The following SLCO1C1 variants were observed in gnomAD, a reference collection of about 807,000 sequenced individuals.
SLCO1C1 encodes OAT-RP-5.
SLCO1C1 carries 70 observed loss-of-function variants against 76.4 expected under a neutral mutation model. The observed-to-expected ratio is 0.92, with a 90% confidence interval of 0.76 to 1.12. SLCO1C1 has a LOEUF of 1.12. Ranked by LOEUF, SLCO1C1 falls within the 50% of genes most tolerant of loss-of-function variation. The probability of loss-of-function intolerance (pLI) is 0.00; values close to 1 mark genes in which losing one functional copy is unlikely to be tolerated. For missense variants in SLCO1C1, 912 were observed against 823.8 expected (o/e 1.11, Z -1.31); for synonymous variants, 306 against 286.1 (o/e 1.07, Z -0.70).
At chr12:20,726,234 C>T (rs924175289) in intron 9 of SLCO1C1, among the ~76,000 whole-genome samples, 4 of 149,480 alleles carry the variant, frequency 2.7e-5, no homozygotes, top group Admixed American at 6.7e-5. Context: ...TTCTTCTATT[C>T]AACCTCTCTT....
At chr12:20,739,433 C>G (rs952044762) in intron 11 of SLCO1C1, among the ~76,000 whole-genome samples, 3 of 149,570 alleles carry the variant, frequency 2.0e-5, no homozygotes, top group African/African-American at 7.4e-5. Context: ...TAGAAGGTCT[C>G]TATTAAAACC....
chr12:20,737,996 C>T (rs920610379), intron 11 of SLCO1C1, among the ~76,000 whole-genome samples: 4 of 152,000 alleles, frequency 2.6e-5, no homozygotes, highest in Non-Finnish European at 4.4e-5. Context: ...AGTGAGGACC[C>T]ACTTTCTGGT....
chr12:20,724,948 T>C (rs1343941927), intron 9 of SLCO1C1, among the ~76,000 whole-genome samples: 1 of 143,780 alleles, frequency 7.0e-6, no homozygotes, highest in Non-Finnish European at 1.5e-5. Flanking sequence ...TATTTATATG[T>C]ATATTTATAG....
chr12:20,701,382 G>C lies in SLCO1C1; in HGVS notation c.194G>C (p.Ser65Thr). 1.3e-6 allele frequency: 2 copies of C among 1,555,742 alleles called. No homozygotes were observed. The highest frequency in any genetic ancestry group is 1.8e-6 in the Non-Finnish European group (2 of 1,138,376). The stretch of plus-strand genomic sequence containing the variant: ...GCATTGGCAGAAGGCTATCTGAAGA[G>C]CACCATCACTCAGATAGAGAGAAGG... ...AKALAEGYLK[S>T]TITQIERRFD... The change falls in exon 3 of 15, where the codon AGC becomes ACC. Residue 65 changes from serine (S) to threonine (T), a missense_variant. Transcript: ENST00000266509.
At chr12:20,696,552 A>G (rs1021201863) in intron 1 of SLCO1C1, among the ~76,000 whole-genome samples, 5 of 152,094 alleles carry the variant, frequency 3.3e-5, no homozygotes, top group African/African-American at 1.2e-4. Context: ...AATGTTTTTG[A>G]ACCAAAGGAA....
At position 20,740,954 on chromosome 12, in the gene SLCO1C1, G is replaced by A. The variant is rs60960983; in HGVS notation, c.1733+586G>A. Among the ~76,000 whole-genome samples the A allele has an allele frequency of 2.4e-3, 368 of 151,400 alleles. 1 individual carries two copies. The highest frequency in any genetic ancestry group is 8.7e-3 in the African/African-American group (359 of 41,232). On this transcript the variant is annotated intron_variant, in intron 12 of 14. Transcript: ENST00000266509. ...TTCACACTGATATAAAGAAATACCCGAGATGGGGTAATTTATAAAGGAAAG... is the reference window on the plus strand; with the variant it reads ...TTCACACTGATATAAAGAAATACCCAAGATGGGGTAATTTATAAAGGAAAG...
At chr12:20,736,789 C>T (rs911032502) in intron 10 of SLCO1C1, among the ~76,000 whole-genome samples, 6 of 152,176 alleles carry the variant, frequency 3.9e-5, no homozygotes, top group Non-Finnish European at 7.4e-5. Context: ...TACTTTTCTA[C>T]CTTGTTAGCT....
At chr12:20,737,980 G>C (rs1948626557) in intron 11 of SLCO1C1, among the ~76,000 whole-genome samples, 1 of 152,082 alleles carries the variant, frequency 6.6e-6, no homozygotes, top group African/African-American at 2.4e-5. Flanking sequence ...AGCAGAACTG[G>C]TTCCTAGTGA....
intron 9 of SLCO1C1, among the ~76,000 whole-genome samples, chr12:20,724,433 A>C (rs1947844793): frequency 7.5e-6 from 1 of 132,900 alleles, no homozygotes; most frequent in Admixed American, 7.5e-5. Context: ...ATATATATAT[A>C]TATATATATA....
intron 10 of SLCO1C1, among the ~76,000 whole-genome samples, chr12:20,734,293 G>T (rs138079907): frequency 1.3e-5 from 2 of 152,074 alleles, no homozygotes; most frequent in Admixed American, 1.3e-4. Flanking sequence ...CATAAATTAC[G>T]GCTTCTGGGA....
intron 14 of SLCO1C1, 60 bp downstream of exon 14, chr12:20,750,852 C>G: frequency 6.2e-7 from 1 of 1,613,860 alleles, no homozygotes; most frequent in South Asian, 1.1e-5. Flanking sequence ...TTACACAATG[C>G]CACTGACACT....
At chr12:20,717,103 T>C (rs1251608207) in intron 6 of SLCO1C1, 29 bp from the exon 7 acceptor site, 1 of 1,234,980 alleles carries the variant, frequency 8.1e-7, no homozygotes, top group Non-Finnish European at 1.1e-6. Flanking sequence ...TGACAGCTTT[T>C]TTTTTTTCCT....
chr12:20,729,460 G>A (rs529322617), intron 9 of SLCO1C1, among the ~76,000 whole-genome samples: 5 of 152,170 alleles, frequency 3.3e-5, no homozygotes, highest in South Asian at 2.1e-4. Context: ...TGAGGGTTTG[G>A]TTGGAGGGTG....
chr12:20,711,402 T>G lies in SLCO1C1; in HGVS notation c.421T>G (p.Tyr141Asp), dbSNP rs768749828. The change falls in exon 5 of 15, where the codon TAT becomes GAT. Residue 141 changes from tyrosine to aspartate, a missense_variant. Coordinates refer to ENST00000266509, the MANE Select transcript of SLCO1C1 (RefSeq NM_017435.5). ...FFMEQYKYER[Y>D]SPSSNSTLSI... ...CTTATGCAGGTACAAATATGAGAGA[T>G]ATTCTCCTTCCTCCAATTCCACTCT... is the stretch of plus-strand genomic sequence containing the variant. 5 of 1,613,086 alleles carry G rather than the reference T, an allele frequency of 3.1e-6. No homozygotes were observed. In the Admixed American group the frequency reaches 5.0e-5, roughly 16 times the overall value.
Position 20,732,862 on chromosome 12 carries a change from A to G in SLCO1C1, c.1187-47A>G, listed in dbSNP as rs1244444654. 1.9e-6 allele frequency: 3 copies of G among 1,600,238 alleles called. No individual in the cohort carries two copies. In the South Asian group the frequency reaches 3.4e-5, roughly 18 times the overall value. ...AGAAAGTTTGTGTTAGTACACTCAA[A>G]TCTTTTTTAGAGATTCACAAAATGA... is the stretch of plus-strand genomic sequence containing the variant. On this transcript the variant is annotated intron_variant, in intron 9 of 14. Transcript: ENST00000266509.
chr12:20,699,510 G>C, intron 1 of SLCO1C1, 42 bp from the exon 2 acceptor site: 2 of 1,402,344 alleles, frequency 1.4e-6, no homozygotes, highest in Non-Finnish European at 1.9e-6. Flanking sequence ...AATAAATTGC[G>C]TAGTATTTAT....
In SLCO1C1 at chr12:20,706,038, G is replaced by A. The variant is rs201650716; in HGVS notation, c.361G>A (p.Val121Ile). Residue 121 changes from valine to isoleucine, a missense_variant, in exon 4 of 15, where the codon GTT becomes ATT. Physicochemically the swap from Val to Ile is conservative, Grantham distance 29 (BLOSUM62 3). Transcript: ENST00000266509. ...TGGAGCAGGGTGTGTAATCATGGGA[G>A]TTGGAACACTGCTCATTGCAATGCC... Reference protein sequence around the residue: ...IIGAGCVIMGVGTLLIAMPQF... With the variant: ...IIGAGCVIMGIGTLLIAMPQF... 1.2e-6 allele frequency: 2 copies of A among 1,613,228 alleles called. No individual in the cohort carries two copies. Among genetic ancestry groups the A allele is most frequent in the Non-Finnish European group, 8.5e-7 (1 of 1,179,428 alleles).
intron 11 of SLCO1C1, 122 bp downstream of exon 11, chr12:20,737,394 CT>C: frequency 2.0e-6 from 2 of 1,004,668 alleles, no homozygotes; most frequent in Non-Finnish European, 2.7e-6. Context: ...CTGCCTGGTC[CT>C]TTTTTGTAGA....
Position 20,752,786 on chromosome 12 carries a change from C to T in SLCO1C1, c.*258C>T, listed in dbSNP as rs1468182110. 8.2e-6 allele frequency: 2 copies of T among 244,616 alleles called. No individual in the cohort carries two copies. The highest frequency in any genetic ancestry group is 8.5e-5 in the East Asian group (1 of 11,726). 15.2% of individuals were successfully genotyped at this position (244,616 alleles called of 1,614,324 possible). On this transcript the variant is annotated 3_prime_UTR_variant, in exon 15 of 15. Coordinates refer to ENST00000266509, the MANE Select transcript of SLCO1C1 (RefSeq NM_017435.5). ...CACTTACTTATTTCACTTTATTTTG[C>T]TTTGTGCTCATTGATATATATTAGC...
Sources: gnomAD v4.1 joint callset for allele counts (sites outside exome capture counted in the v4.1 genomes callset) on GRCh38, gnomAD v4.1.1 for gene constraint, MANE v1.5 for transcripts, NCBI Gene and HGNC (gene_info 2026-07-23, HGNC 2026-07-21) for gene names.